The following COL4A1 variants were observed in gnomAD, a reference collection of about 807,000 sequenced individuals.
COL4A1 encodes the protein collagen type IV alpha 1 chain, also known as collagen alpha-1(IV) chain.
In COL4A1, 40 loss-of-function variants were observed where a neutral mutation model predicts 216.6. That is an observed-to-expected ratio of 0.18 (90% confidence interval 0.14 to 0.24). The LOEUF is 0.24. Ranked by LOEUF, COL4A1 falls within the 10% of genes least tolerant of loss-of-function variation. COL4A1 has a pLI of 1.00. For synonymous variants in COL4A1, 839 were observed against 810.7 expected (o/e 1.03, Z -0.59); for missense variants, 1,628 against 2,196.8 (o/e 0.74, Z 5.18).
chr13:110,171,083 C>A (rs1166036310), intron 41 of COL4A1, among the ~76,000 whole-genome samples: 1 of 152,252 alleles, frequency 6.6e-6, no homozygotes, highest in Non-Finnish European at 1.5e-5. Flanking sequence ...TCCATCAGCA[C>A]ATGAATGGGC....
intron 45 of COL4A1, among the ~76,000 whole-genome samples, chr13:110,165,293 C>A (rs756204668): frequency 9.9e-5 from 15 of 152,100 alleles, no homozygotes; most frequent in Non-Finnish European, 2.1e-4. Flanking sequence ...GCCCTCCCAG[C>A]AGGGAGAGAA....
intron 49 of COL4A1, 59 bp from the exon 50 acceptor site, chr13:110,155,456 A>G (rs1051434182): frequency 2.1e-5 from 23 of 1,117,180 alleles, no homozygotes; most frequent in Non-Finnish European, 3.1e-5. Context: ...GCCGCCCTCC[A>G]TGCACTGCCC....
chr13:110,253,680 TTACATA>T (rs1882355606), intron 1 of COL4A1, among the ~76,000 whole-genome samples: 1 of 131,698 alleles, frequency 7.6e-6, no homozygotes, highest in Non-Finnish European at 1.6e-5. Context: ...TATGTATGTA[TTACATA>T]TACATATAAT....
intron 1 of COL4A1, among the ~76,000 whole-genome samples, chr13:110,255,451 G>T (rs1204247333): frequency 3.4e-5 from 5 of 146,986 alleles, no homozygotes; most frequent in African/African-American, 1.3e-4. Flanking sequence ...GCAGGTCATG[G>T]CTCAAGGACC....
At position 110,162,577 on chromosome 13, in the gene COL4A1, A is replaced by G. The variant is rs949299476; in HGVS notation, c.4250-135T>C. The G allele has an allele frequency of 8.2e-6, 6 of 733,618 alleles. No individual in the cohort carries two copies. The African/African-American group carries it at 1.1e-4, about 13-fold the overall frequency. The allele number at this position is 733,618 out of a possible 1,614,324, so 45.4% of individuals were successfully genotyped here. A position where few individuals can be genotyped will look rare whatever the true frequency, so the allele number is the denominator to read the frequency against. Reference sequence around the variant, plus strand: ...ATCCTACCTATTCATGTTACCAAAAAAGTCTAAAAAGAATGCATGGCTAAC... The same window carrying G: ...ATCCTACCTATTCATGTTACCAAAAGAGTCTAAAAAGAATGCATGGCTAAC... On this transcript the variant is annotated intron_variant, in intron 47 of 51. Transcript: ENST00000375820.
chr13:110,248,642 C>A (rs1881943774), intron 1 of COL4A1, among the ~76,000 whole-genome samples: 1 of 152,208 alleles, frequency 6.6e-6, no homozygotes, highest in Non-Finnish European at 1.5e-5. Flanking sequence ...CAGGCACGGG[C>A]CACCACGCCA....
At chr13:110,154,954 CT>C (rs1208246704) in intron 50 of COL4A1, among the ~76,000 whole-genome samples, 1 of 152,254 alleles carries the variant, frequency 6.6e-6, no homozygotes, top group East Asian at 1.9e-4. Context: ...GTTCATATTG[CT>C]GGTGCTGGAA....
At chr13:110,158,067 C>T (rs1876872502) in intron 49 of COL4A1, among the ~76,000 whole-genome samples, 2 of 152,214 alleles carry the variant, frequency 1.3e-5, no homozygotes, top group South Asian at 4.1e-4. Flanking sequence ...GTTACTTTTC[C>T]TTCTAGTTAT....
In COL4A1 at chr13:110,207,340, T is replaced by C. The variant is rs1343351933; in HGVS notation, c.780+63A>G. ...AAACTGAGTTTTGACCCATTTTCTC[T>C]TTATCTTTTGGAATTTGTCCAAAAT... On this transcript the variant is annotated intron_variant, in intron 13 of 51. Transcript: ENST00000375820. This position sits in a 1 kb window ranked among gnomAD's most constrained non-coding sequence, Gnocchi z 4.4. 2.1e-6 allele frequency: 3 copies of C among 1,419,980 alleles called. No homozygotes were observed. Among genetic ancestry groups the C allele is most frequent in the Non-Finnish European group, 1.0e-6 (1 of 1,002,778 alleles). The allele number at this position is 1,419,980 out of a possible 1,614,324, so 88.0% of individuals were successfully genotyped here. A position where few individuals can be genotyped will look rare whatever the true frequency, so the allele number is the denominator to read the frequency against.
At chr13:110,198,754 G>A (rs1221975588) in intron 20 of COL4A1, 123 bp from the exon 21 acceptor site, 1 of 1,292,820 alleles carries the variant, frequency 7.7e-7, no homozygotes, top group South Asian at 1.2e-5. Context: ...AAAGGGAACT[G>A]CTTTAGACAT....
At chr13:110,240,747 T>A (rs1881526745) in intron 2 of COL4A1, among the ~76,000 whole-genome samples, 1 of 152,246 alleles carries the variant, frequency 6.6e-6, no homozygotes, top group Non-Finnish European at 1.5e-5. Flanking sequence ...TACCAGGTTG[T>A]GGAGATGTCA....
chr13:110,158,147 A>T (rs1876879510), intron 49 of COL4A1, among the ~76,000 whole-genome samples: 1 of 152,274 alleles, frequency 6.6e-6, no homozygotes, highest in Admixed American at 6.5e-5. Flanking sequence ...CAGGTGAAGT[A>T]TTGCCTGCAT....
At chr13:110,209,840 G>A in intron 10 of COL4A1, 140 bp downstream of exon 10, 1 of 1,048,260 alleles carries the variant, frequency 9.5e-7, no homozygotes, top group Non-Finnish European at 1.5e-6. Flanking sequence ...CGTTTAGTAA[G>A]AGGGAAGCTG....
chr13:110,174,305 C>T, intron 39 of COL4A1, 141 bp downstream of exon 39: 1 of 887,174 alleles, frequency 1.1e-6, no homozygotes. Flanking sequence ...CTGCACTAGA[C>T]TCAGTTTGCC....
intron 2 of COL4A1, among the ~76,000 whole-genome samples, chr13:110,223,565 CA>C (rs1276786147): frequency 6.6e-6 from 1 of 152,154 alleles, no homozygotes; most frequent in Non-Finnish European, 1.5e-5. Flanking sequence ...ACGAGAAAAA[CA>C]GTACAGAAAA....
At chr13:110,187,029 C>A in intron 25 of COL4A1, 109 bp downstream of exon 25, 2 of 1,377,614 alleles carry the variant, frequency 1.5e-6, no homozygotes, top group South Asian at 2.4e-5. Context: ...TCATTTGTGC[C>A]ATCATCAAGG....
rs1878701070 is a variant in COL4A1, at chr13:110,192,839, C to T, written c.1456G>A (p.Gly486Arg). ...CACATGTGGGTCTTACCTATTTCTC[C>T]CGGGGGTCCCTGTGGCCCGGGAGGC... ...RGPPGPQGPP[G>R]EIGFPGQPGA... The change falls in exon 23 of 52, where the codon GGA (glycine) becomes AGA (arginine). Residue 486 changes from glycine to arginine, a missense_variant. By Grantham distance (125) the Gly-to-Arg change is moderately radical (BLOSUM62 -2). Coordinates refer to ENST00000375820, the MANE Select transcript of COL4A1 (RefSeq NM_001845.6). 1.2e-6 allele frequency: 2 copies of T among 1,614,010 alleles called. No individual in the cohort carries two copies. The highest frequency in any genetic ancestry group is 1.7e-6 in the Non-Finnish European group (2 of 1,179,926).
intron 1 of COL4A1, among the ~76,000 whole-genome samples, chr13:110,294,608 T>C (rs1453085612): frequency 6.6e-6 from 1 of 152,218 alleles, no homozygotes; most frequent in Non-Finnish European, 1.5e-5. Flanking sequence ...TCTGTTAGTC[T>C]CATGAATGTA....
At chr13:110,204,515 TG>T (rs1297890046) in intron 17 of COL4A1, among the ~76,000 whole-genome samples, 3 of 152,192 alleles carry the variant, frequency 2.0e-5, no homozygotes, top group Admixed American at 2.0e-4. Flanking sequence ...CATTCGCCTT[TG>T]GTGATGACTA....
Sources: gnomAD v4.1 joint callset for allele counts (sites outside exome capture counted in the v4.1 genomes callset) on GRCh38, gnomAD v4.1.1 for gene constraint, Gnocchi (gnomAD v3.1) non-coding constraint, MANE v1.5 for transcripts, NCBI Gene and HGNC (gene_info 2026-07-23, HGNC 2026-07-21) for gene names.